Variants in ZNF536 observed in about 807,000 individuals in gnomAD.
ZNF536 encodes zinc finger protein 536.
Under a neutral mutation model 84.5 loss-of-function variants are expected in ZNF536, and 13 were observed. The observed-to-expected ratio is 0.15, with a 90% CI of 0.10 to 0.24. The LOEUF is 0.24. Among genes scored for constraint, ZNF536 ranks in the 10% least tolerant of loss-of-function variants. ZNF536 has a pLI of 1.00. For synonymous variants in ZNF536, 811 were observed against 742.5 expected (o/e 1.09, Z -1.50); for missense variants, 1,536 against 1,747.5 (o/e 0.88, Z 2.16).
At chr19:30,613,824 A>G (rs1355677598) in intron 1 of ZNF536, among the ~76,000 whole-genome samples, 3 of 149,532 alleles carry the variant, frequency 2.0e-5, no homozygotes, top group Non-Finnish European at 4.4e-5. Context: ...ATTGAAACAC[A>G]TCATATTTGC....
At chr19:30,227,502 G>T (rs1367780767), upstream of ZNF536, among the ~76,000 whole-genome samples, 6 of 152,212 alleles carry the variant, frequency 3.9e-5, no homozygotes, top group Admixed American at 3.9e-4. Context: ...TGTCTAACGG[G>T]TGCCTCGCCG....
At chr19:30,227,671 G>A (rs1285163948), upstream of ZNF536, among the ~76,000 whole-genome samples, 1 of 151,886 alleles carries the variant, frequency 6.6e-6, no homozygotes, top group South Asian at 2.1e-4. Flanking sequence ...GGCGAGGGGC[G>A]AGCGGGAGGG....
At chr19:30,321,710 CT>C (rs796709657) in intron 2 of ZNF536, among the ~76,000 whole-genome samples, 83 of 141,430 alleles carry the variant, frequency 5.9e-4, no homozygotes, top group East Asian at 1.0e-3. Context: ...TCATCTTCCT[CT>C]TTTTTTTTTT....
intron 1 of ZNF536, among the ~76,000 whole-genome samples, chr19:30,709,880 G>A (rs2052394058): frequency 6.6e-6 from 1 of 152,168 alleles, no homozygotes; most frequent in African/African-American, 2.4e-5. Flanking sequence ...GCCTCCCAAA[G>A]TGTTGGGATT....
At chr19:30,472,990 G>C (rs963466799) in intron 2 of ZNF536, among the ~76,000 whole-genome samples, 1 of 148,672 alleles carries the variant, frequency 6.7e-6, no homozygotes. Flanking sequence ...TCAGGAGTTC[G>C]AGACCAGCCT....
intron 1 of ZNF536, among the ~76,000 whole-genome samples, chr19:30,579,462 T>C (rs1356391120): frequency 6.6e-6 from 1 of 152,192 alleles, no homozygotes; most frequent in Non-Finnish European, 1.5e-5. Context: ...CTTAGTTCTG[T>C]TCTGTGTGGT....
At chr19:30,484,372 A>G (rs899203187) in intron 2 of ZNF536, among the ~76,000 whole-genome samples, 1 of 143,094 alleles carries the variant, frequency 7.0e-6, no homozygotes, top group Non-Finnish European at 1.5e-5. Context: ...GATTACAGGC[A>G]CCCACCGTCA....
chr19:30,509,955 T>C (rs949918776), intron 2 of ZNF536, among the ~76,000 whole-genome samples: 9 of 152,376 alleles, frequency 5.9e-5, no homozygotes, highest in African/African-American at 2.2e-4. Context: ...TCTTGTTTTA[T>C]CAAGATGAGT....
chr19:30,239,406 G>A (rs933224754), intron 1 of ZNF536, among the ~76,000 whole-genome samples: 1 of 152,222 alleles, frequency 6.6e-6, no homozygotes. Flanking sequence ...CCGTCTGAAC[G>A]GAACCTATGT....
At chr19:30,597,378 C>T (rs2047504506) in intron 1 of ZNF536, among the ~76,000 whole-genome samples, 1 of 152,240 alleles carries the variant, frequency 6.6e-6, no homozygotes, top group South Asian at 2.1e-4. Context: ...TGGGCATCCC[C>T]CTCTAGAAAA....
At chr19:30,359,383 C>T (rs548960239) in intron 3 of ZNF536, among the ~76,000 whole-genome samples, 6 of 152,306 alleles carry the variant, frequency 3.9e-5, no homozygotes, top group Admixed American at 2.6e-4. Flanking sequence ...TGGAGCATTG[C>T]AGGTCCCTGG....
intron 1 of ZNF536, among the ~76,000 whole-genome samples, chr19:30,268,408 G>T (rs1294418994): frequency 6.6e-6 from 1 of 152,134 alleles, no homozygotes; most frequent in African/African-American, 2.4e-5. Flanking sequence ...CTATATAAGG[G>T]TATAGTCCTG....
intron 1 of ZNF536, among the ~76,000 whole-genome samples, chr19:30,431,351 G>A (rs894915452): frequency 6.6e-6 from 1 of 152,194 alleles, no homozygotes; most frequent in Non-Finnish European, 1.5e-5. Flanking sequence ...GCCCAGCCCT[G>A]GCCAGCCTCC....
At chr19:30,625,740 C>G (rs569053913) in intron 1 of ZNF536, among the ~76,000 whole-genome samples, 10 of 152,240 alleles carry the variant, frequency 6.6e-5, no homozygotes, top group Non-Finnish European at 1.3e-4. Flanking sequence ...AACCTGGATA[C>G]ACCTGCTTCC....
At chr19:30,664,398 T>C (rs937716674) in intron 1 of ZNF536, among the ~76,000 whole-genome samples, 1 of 152,108 alleles carries the variant, frequency 6.6e-6, no homozygotes, top group Non-Finnish European at 1.5e-5. Context: ...GAACCTGCAG[T>C]CCTGGCATTT....
At chr19:30,585,530 G>A (rs1246182489) in intron 1 of ZNF536, among the ~76,000 whole-genome samples, 1 of 152,180 alleles carries the variant, frequency 6.6e-6, no homozygotes, top group Non-Finnish European at 1.5e-5. Context: ...TAGATCTTGG[G>A]AGTATTAGCT....
chr19:30,647,591 A>C (rs1456660149), intron 1 of ZNF536, among the ~76,000 whole-genome samples: 7 of 152,242 alleles, frequency 4.6e-5, no homozygotes, highest in African/African-American at 1.7e-4. Context: ...TGGACATGAA[A>C]GCAAATAATT....
chr19:30,283,671 G>A (rs2045530471), intron 1 of ZNF536, among the ~76,000 whole-genome samples: 1 of 151,986 alleles, frequency 6.6e-6, no homozygotes, highest in Admixed American at 6.6e-5. Context: ...GAAAAAGCAA[G>A]GACCCTTGGG....
Position 30,448,903 on chromosome 19 carries a change from A to G in ZNF536, c.2170+3171A>G, listed in dbSNP as rs185616295. 3.5e-3 allele frequency among the ~76,000 whole-genome samples: 537 copies of G among 152,336 alleles called. 5 individuals carry two copies. The highest frequency in any genetic ancestry group is 0.013 in the African/African-American group (530 of 41,580). On this transcript the variant is annotated intron_variant, in intron 2 of 4. Transcript: ENST00000355537. ...TTGCAATCAAACAGTTATTGCCGAG[A>G]TGGGCGACTGTCACTGGCTAGGCTA...
Sources: allele counts gnomAD v4.1 joint callset (sites outside exome capture counted in the v4.1 genomes callset), GRCh38; gene constraint gnomAD v4.1.1; transcripts MANE v1.5; gene names NCBI Gene and HGNC (gene_info 2026-07-23, HGNC 2026-07-21).